Variants in SIPA1L2 observed in about 807,000 individuals in gnomAD.
The protein encoded by SIPA1L2 is signal induced proliferation associated 1 like 2.
Under a neutral mutation model 163.9 loss-of-function variants are expected in SIPA1L2, and 56 were observed. The ratio of observed to expected loss-of-function variants is 0.34; its 90% CI spans 0.28 to 0.43. SIPA1L2 has a LOEUF of 0.43. SIPA1L2 is among the 20% of genes least tolerant of loss of function. SIPA1L2 has a pLI of 1.00. For synonymous variants in SIPA1L2, 877 were observed against 865.7 expected (o/e 1.01, Z -0.23); for missense variants, 1,974 against 2,193.5 (o/e 0.90, Z 2.00).
intron 2 of SIPA1L2, among the ~76,000 whole-genome samples, chr1:232,565,407 C>G (rs1370330367): frequency 5.3e-5 from 8 of 152,222 alleles, no homozygotes; most frequent in Admixed American, 5.2e-4. Flanking sequence ...ACTAGAATCT[C>G]CTTCAGGCCA....
chr1:232,455,670 G>A (rs1030663416), intron 10 of SIPA1L2, among the ~76,000 whole-genome samples: 17 of 140,008 alleles, frequency 1.2e-4, no homozygotes, highest in East Asian at 1.1e-3. Flanking sequence ...AGCCGAGATC[G>A]CGCCACTGCA....
intron 1 of SIPA1L2, among the ~76,000 whole-genome samples, chr1:232,607,472 G>T (rs1661986603): frequency 6.6e-6 from 1 of 151,810 alleles, no homozygotes; most frequent in African/African-American, 2.4e-5. Flanking sequence ...AAATCTTTTA[G>T]ACCACTTGTG....
At chr1:232,519,578 C>T (rs1481637552) in intron 2 of SIPA1L2, among the ~76,000 whole-genome samples, 1 of 152,204 alleles carries the variant, frequency 6.6e-6, no homozygotes, top group Non-Finnish European at 1.5e-5. Context: ...CTGTGAATCA[C>T]ACCTGTCCTT....
chr1:232,488,108 A>G (rs1010300285), intron 5 of SIPA1L2, among the ~76,000 whole-genome samples: 2 of 151,848 alleles, frequency 1.3e-5, no homozygotes, highest in Non-Finnish European at 2.9e-5. Context: ...GCCCACCATC[A>G]CACCTGGCTA....
chr1:232,542,129 G>A (rs2103111263), intron 2 of SIPA1L2, among the ~76,000 whole-genome samples: 1 of 152,288 alleles, frequency 6.6e-6, no homozygotes, highest in African/African-American at 2.4e-5. Context: ...AAATAGCACT[G>A]GACTGCTACC....
rs768340402 is a variant in SIPA1L2, at chr1:232,514,940, A to T, written c.400T>A (p.Phe134Ile). 1.9e-6 allele frequency: 3 copies of T among 1,614,158 alleles called. No homozygotes were observed. The highest frequency in any genetic ancestry group is 2.2e-5 in the South Asian group (2 of 91,068). The change falls in exon 3 of 23, where the codon TTC becomes ATC. Residue 134 changes from phenylalanine (F) to isoleucine (I), a missense_variant. Transcript: ENST00000674635. ...GQQDEQLDLD[F>I]VEAKYTIGDI... ...CCGATTGTGTACTTGGCCTCCACGA[A>T]GTCCAGATCGAGCTGTTCATCTTGC... is the stretch of plus-strand genomic sequence containing the variant.
At chr1:232,480,154 C>CGTGTGTGTGTGTGTGTGTGTGTGTGT (rs536840154) in intron 6 of SIPA1L2, among the ~76,000 whole-genome samples, 6 of 132,740 alleles carry the variant, frequency 4.5e-5, no homozygotes, top group African/African-American at 1.8e-4. Flanking sequence ...TGTGTGTGTG[C>CGTGTGTGTGTGTGTGTGTGTGTGTGT]GTGTGTGTGT....
At chr1:232,524,125 C>A (rs972033556) in intron 2 of SIPA1L2, among the ~76,000 whole-genome samples, 3 of 152,088 alleles carry the variant, frequency 2.0e-5, no homozygotes, top group African/African-American at 7.2e-5. Context: ...ATAAAAAAAC[C>A]CTCTTGTTAC....
intron 1 of SIPA1L2, among the ~76,000 whole-genome samples, chr1:232,617,973 T>C (rs1401886049): frequency 6.6e-6 from 1 of 152,188 alleles, no homozygotes; most frequent in Admixed American, 6.5e-5. Flanking sequence ...GATGGATGGG[T>C]AGAAGACGGA....
At chr1:232,595,504 G>C (rs956311390) in intron 1 of SIPA1L2, among the ~76,000 whole-genome samples, 4 of 152,304 alleles carry the variant, frequency 2.6e-5, no homozygotes, top group African/African-American at 9.6e-5. Flanking sequence ...ACTCCTTTCA[G>C]CTGTCACATT....
intron 2 of SIPA1L2, among the ~76,000 whole-genome samples, chr1:232,560,512 A>G (rs576159221): frequency 3.4e-4 from 52 of 152,362 alleles, no homozygotes; most frequent in African/African-American, 1.2e-3. Flanking sequence ...AATTCCTTAG[A>G]TATAGGAACG....
chr1:232,450,131 C>G (rs1489194907), intron 10 of SIPA1L2, among the ~76,000 whole-genome samples: 1 of 152,078 alleles, frequency 6.6e-6, no homozygotes, highest in Non-Finnish European at 1.5e-5. Context: ...AAGGTTAGTT[C>G]TTATCCTTTA....
intron 2 of SIPA1L2, among the ~76,000 whole-genome samples, chr1:232,523,709 ATAT>A (rs1667557694): frequency 1.3e-5 from 2 of 152,168 alleles, no homozygotes; most frequent in African/African-American, 4.8e-5. Flanking sequence ...GTTCTCACTA[ATAT>A]TATTTTCCAT....
chr1:232,525,634 G>A (rs1333311001), intron 2 of SIPA1L2, among the ~76,000 whole-genome samples: 1 of 152,192 alleles, frequency 6.6e-6, no homozygotes, highest in African/African-American at 2.4e-5. Context: ...GGCTGCTCAT[G>A]TCGTAGACAG....
Position 232,515,336 on chromosome 1 carries a change from T to C in SIPA1L2, c.4A>G (p.Ser2Gly), listed in dbSNP as rs545316534. The C allele has an allele frequency of 1.3e-5, 21 of 1,583,708 alleles. No homozygotes were observed. In the African/African-American group the frequency reaches 2.4e-4, roughly 18 times the overall value. The change falls in exon 3 of 23, where the codon AGT becomes GGT. Residue 2 changes from serine (S) to glycine (G), a missense_variant. Physicochemically the swap from Ser to Gly is moderately conservative, Grantham distance 56. Coordinates refer to ENST00000674635, the MANE Select transcript of SIPA1L2 (RefSeq NM_020808.5). Reference protein sequence around the residue: MSDPRQSQEEKH... With the variant: MGDPRQSQEEKH... ...TCTTCTTGTGACTGCCTTGGGTCACTCATGTCTACCGAGGAAGAGCCTCCA... is the reference window on the plus strand; with the variant it reads ...TCTTCTTGTGACTGCCTTGGGTCACCCATGTCTACCGAGGAAGAGCCTCCA...
At chr1:232,570,854 C>G (rs532464799) in intron 2 of SIPA1L2, among the ~76,000 whole-genome samples, 22 of 149,834 alleles carry the variant, frequency 1.5e-4, no homozygotes, top group Non-Finnish European at 2.8e-4. Flanking sequence ...AGAAAAAAAG[C>G]ATCATATGCA....
intron 10 of SIPA1L2, among the ~76,000 whole-genome samples, chr1:232,460,101 A>G (rs1664151133): frequency 6.6e-6 from 1 of 152,210 alleles, no homozygotes; most frequent in Non-Finnish European, 1.5e-5. Context: ...AAGGTGCTCT[A>G]GATACTACCA....
intron 2 of SIPA1L2, among the ~76,000 whole-genome samples, chr1:232,532,118 A>G (rs1322227736): frequency 1.3e-5 from 2 of 152,138 alleles, no homozygotes; most frequent in Admixed American, 6.5e-5. Context: ...GATGGAGGTA[A>G]GGCCACTGCA....
chr1:232,425,510 CT>C, intron 18 of SIPA1L2, 78 bp downstream of exon 18: 1 of 1,143,004 alleles, frequency 8.7e-7, no homozygotes. Flanking sequence ...TCACTCCACC[CT>C]CAGAGCTCAA....
Sources: allele counts gnomAD v4.1 joint callset (sites outside exome capture counted in the v4.1 genomes callset), GRCh38; gene constraint gnomAD v4.1.1; transcripts MANE v1.5; gene names NCBI Gene and HGNC (gene_info 2026-07-23, HGNC 2026-07-21).